FAR2: variants seen among roughly 807,000 people sequenced by gnomAD.
FAR2 encodes epididymis secretory protein Li 81.
A neutral mutation model predicts 56.0 loss-of-function variants in FAR2; 19 were observed. That is an observed-to-expected ratio of 0.34 (90% confidence interval 0.24 to 0.50). The LOEUF is 0.50. FAR2 is among the 20% of genes least tolerant of loss of function. FAR2 has a pLI of 0.98. For missense variants in FAR2, 508 were observed against 642.2 expected, an observed-to-expected ratio of 0.79 and a Z score of 2.26; for synonymous variants, 219 against 218.8, an observed-to-expected ratio of 1.00 and a Z score of -0.01.
At chr12:29,316,779 T>A (rs1476646764) in intron 8 of FAR2, 62 bp from the exon 9 acceptor site, 2 of 1,521,694 alleles carry the variant, frequency 1.3e-6, no homozygotes, top group Non-Finnish European at 9.0e-7. Context: ...ACAAATGCTT[T>A]CCACTATGAT....
intron 10 of FAR2, among the ~76,000 whole-genome samples, chr12:29,330,106 G>C (rs1311762853): frequency 7.0e-6 from 1 of 143,272 alleles, no homozygotes; most frequent in Non-Finnish European, 1.5e-5. Context: ...GCCCAGGCTG[G>C]AGTGCAGTGG....
chr12:29,154,109 A>C (rs993947521), intron 1 of FAR2, among the ~76,000 whole-genome samples: 8 of 152,250 alleles, frequency 5.3e-5, no homozygotes, highest in African/African-American at 1.9e-4. Flanking sequence ...CATGACAGAT[A>C]TAGCTCCTGT....
intron 4 of FAR2, among the ~76,000 whole-genome samples, chr12:29,306,082 C>A (rs1949250597): frequency 6.6e-6 from 1 of 151,860 alleles, no homozygotes; most frequent in African/African-American, 2.4e-5. Context: ...AAAATGGTCT[C>A]AGGTCAGTCA....
rs759289708 is a variant in FAR2 at position 29,309,210 on chromosome 12, C to A, written c.748C>A (p.Pro250Thr). Reference sequence around the variant, plus strand: ...GGGTTGGGTTGATAATATAAATGGACCTAATGGAATCATTATTGCGGTATG... The same window carrying A: ...GGGTTGGGTTGATAATATAAATGGAACTAATGGAATCATTATTGCGGTATG... ...FPGWVDNING[P>T]NGIIIATGKG... Residue 250 changes from proline (P) to threonine (T), a missense_variant, in exon 6 of 12, where the codon CCT (proline) becomes ACT (threonine). Pro to Thr is a conservative substitution (Grantham distance 38). Coordinates refer to ENST00000536681, the MANE Select transcript of FAR2 (RefSeq NM_001271783.2). 6.2e-7 allele frequency: 1 copy of A among 1,600,606 alleles called. No homozygotes were observed. Among genetic ancestry groups the A allele is most frequent in the Non-Finnish European group, 8.5e-7 (1 of 1,169,846 alleles).
rs375277143 is a variant in FAR2, at chr12:29,200,678, T to A, written c.-39+51271T>A. 5.3e-5 allele frequency among the ~76,000 whole-genome samples: 8 copies of A among 152,216 alleles called. No homozygotes were observed. In the East Asian group the frequency reaches 1.5e-3, roughly 29 times the overall value. On this transcript the variant is annotated intron_variant, in intron 1 of 11. Coordinates refer to ENST00000536681, the MANE Select transcript of FAR2 (RefSeq NM_001271783.2). ...GCAGCCTGATCCCTTTACCTTTAGTTAAACAAATTAAAATAGCAATAAAGG... is the reference window on the plus strand; with the variant it reads ...GCAGCCTGATCCCTTTACCTTTAGTAAAACAAATTAAAATAGCAATAAAGG...
chr12:29,332,960 A>G, intron 11 of FAR2: 1 of 582,776 alleles, frequency 1.7e-6, no homozygotes, highest in Admixed American at 2.3e-5. Flanking sequence ...TCTAGATTTA[A>G]ACACAGCAAA....
chr12:29,311,102 C>T lies in FAR2; in HGVS notation c.843C>T (p.Val281=), dbSNP rs201527054. 30 of 1,613,488 alleles carry T rather than the reference C, an allele frequency of 1.9e-5. No homozygotes were observed. In the East Asian group the frequency reaches 4.9e-4, roughly 26 times the overall value. Residue 281 remains valine, a synonymous_variant, in exon 7 of 12, where the codon GTC becomes GTT. Coordinates refer to ENST00000536681, the MANE Select transcript of FAR2 (RefSeq NM_001271783.2). ...CAGACGTAATTCCAGTTGATACAGT[C>T]GTCAATCTCATGCTAGCTGTAGGAT... The part of the protein sequence containing the change: ...AVADVIPVDT[V]VNLMLAVGWY...
At chr12:29,268,164 A>C (rs541564697) in intron 1 of FAR2, among the ~76,000 whole-genome samples, 175 of 152,342 alleles carry the variant, frequency 1.1e-3, no homozygotes, top group Non-Finnish European at 2.0e-3. Flanking sequence ...GTTGGAGAGC[A>C]GGGTGTTGAC....
chr12:29,254,885 G>A (rs937907349), intron 1 of FAR2, among the ~76,000 whole-genome samples: 9 of 151,662 alleles, frequency 5.9e-5, no homozygotes, highest in Admixed American at 2.6e-4. Context: ...CCCAGGAGGC[G>A]GAGGTTGCAG....
intron 5 of FAR2, 25 bp from the exon 6 acceptor site, chr12:29,309,161 C>T: frequency 6.4e-7 from 1 of 1,552,182 alleles, no homozygotes; most frequent in Non-Finnish European, 8.9e-7. Flanking sequence ...AAATGTGTAA[C>T]CAATAGAAAT....
chr12:29,243,405 C>G (rs764200247), intron 1 of FAR2, among the ~76,000 whole-genome samples: 1 of 152,222 alleles, frequency 6.6e-6, no homozygotes, highest in South Asian at 2.1e-4. Flanking sequence ...AAGTTGCTAC[C>G]GGTTGTAGGT....
At chr12:29,233,247 T>G (rs957470995) in intron 1 of FAR2, among the ~76,000 whole-genome samples, 3 of 152,204 alleles carry the variant, frequency 2.0e-5, no homozygotes, top group African/African-American at 7.2e-5. Flanking sequence ...CACCTGATTA[T>G]GCACACCAGG....
In FAR2 at chr12:29,225,806, A is replaced by G. The variant is rs571498384; in HGVS notation, c.-38-44606A>G. Among the ~76,000 whole-genome samples, 8 of 152,316 alleles carry G rather than the reference A, an allele frequency of 5.3e-5. No homozygotes were observed. In the East Asian group the frequency reaches 9.6e-4, roughly 18 times the overall value. ...CTTCACAAAGCCTCACCTTTTTTCA[A>G]TTTCAAAAATGATTGCAGCTTTCTT... On this transcript the variant is annotated intron_variant, in intron 1 of 11. Coordinates refer to ENST00000536681, the MANE Select transcript of FAR2 (RefSeq NM_001271783.2).
intron 1 of FAR2, among the ~76,000 whole-genome samples, chr12:29,167,983 T>A (rs539086519): frequency 1.1e-4 from 16 of 152,330 alleles, no homozygotes; most frequent in African/African-American, 3.6e-4. Flanking sequence ...CTTGGAGAGA[T>A]GGTGCTTCCC....
At chr12:29,194,476 C>G (rs943305958) in intron 1 of FAR2, among the ~76,000 whole-genome samples, 17 of 151,364 alleles carry the variant, frequency 1.1e-4, no homozygotes, top group Non-Finnish European at 8.8e-5. Flanking sequence ...AAAGTTGGAA[C>G]AGACCTCCAT....
chr12:29,319,428 C>T (rs1019223413), intron 9 of FAR2, among the ~76,000 whole-genome samples: 1 of 152,058 alleles, frequency 6.6e-6, no homozygotes, highest in African/African-American at 2.4e-5. Flanking sequence ...GCTGGAGGGG[C>T]TGGACTTTCA....
Position 29,297,530 on chromosome 12 carries a change from A to G in FAR2, c.545+330A>G, listed in dbSNP as rs185035266. ...TAAAGCAAGTATAATGTATAGTATAAAAGTTCAGAAGAAAAATGTCTGATT... is the reference window on the plus strand; with the variant it reads ...TAAAGCAAGTATAATGTATAGTATAGAAGTTCAGAAGAAAAATGTCTGATT... On this transcript the variant is annotated intron_variant, in intron 4 of 11. Transcript: ENST00000536681. Among the ~76,000 whole-genome samples the G allele has an allele frequency of 1.6e-3, 245 of 152,292 alleles. 1 individual carries two copies. Among genetic ancestry groups the G allele is most frequent in the African/African-American group, 5.4e-3 (223 of 41,556 alleles).
intron 7 of FAR2, among the ~76,000 whole-genome samples, chr12:29,311,666 T>TCTCACACACACACA (rs1555123662): frequency 6.8e-6 from 1 of 147,424 alleles, no homozygotes. Flanking sequence ...AACATCTCTT[T>TCTCACACACACACA]CACACACACA....
chr12:29,206,655 A>G (rs958554679), intron 1 of FAR2, among the ~76,000 whole-genome samples: 1 of 152,226 alleles, frequency 6.6e-6, no homozygotes, highest in Non-Finnish European at 1.5e-5. Context: ...AGACACACAG[A>G]CATTTAAGGA....
Sources: gnomAD v4.1 joint callset for allele counts (sites outside exome capture counted in the v4.1 genomes callset) on GRCh38, gnomAD v4.1.1 for gene constraint, MANE v1.5 for transcripts, NCBI Gene and HGNC (gene_info 2026-07-23, HGNC 2026-07-21) for gene names.